ITGA9: variants seen among roughly 807,000 people sequenced by gnomAD.
ITGA9 encodes integrin subunit alpha 9, also known as integrin alpha-9.
ITGA9 carries 56 observed loss-of-function variants against 127.8 expected under a neutral mutation model. The observed-to-expected ratio is 0.44, with a 90% CI of 0.35 to 0.55. The LOEUF (loss-of-function observed/expected upper bound fraction) is 0.55. Ranked by LOEUF, ITGA9 falls within the 20% of genes least tolerant of loss-of-function variation. The pLI is 0.00. For synonymous variants in ITGA9, 508 were observed against 514.5 expected, an observed-to-expected ratio of 0.99 and a Z score of 0.17; for missense variants, 1,196 against 1,347.1, an observed-to-expected ratio of 0.89 and a Z score of 1.76.
intron 18 of ITGA9, among the ~76,000 whole-genome samples, chr3:37,726,136 A>T (rs1225159920): frequency 6.6e-6 from 1 of 152,204 alleles, no homozygotes; most frequent in African/African-American, 2.4e-5. Flanking sequence ...ACCTCAGTTG[A>T]TTGGGGAATT....
At chr3:37,565,336 T>C (rs1699535106) in intron 15 of ITGA9, among the ~76,000 whole-genome samples, 2 of 152,344 alleles carry the variant, frequency 1.3e-5, no homozygotes, top group South Asian at 2.1e-4. Flanking sequence ...TCCTATAGTG[T>C]TGTCCTAGAC....
At chr3:37,513,639 A>C (rs760096139) in intron 8 of ITGA9, 124 bp from the exon 9 acceptor site, 154 of 956,512 alleles carry the variant, frequency 1.6e-4, no homozygotes, top group Middle Eastern at 2.8e-4. Flanking sequence ...TCCTGTGTCC[A>C]TGTGTTCTCA....
intron 17 of ITGA9, among the ~76,000 whole-genome samples, chr3:37,656,102 A>G (rs879798106): frequency 6.6e-6 from 1 of 152,142 alleles, no homozygotes; most frequent in Non-Finnish European, 1.5e-5. Context: ...GTGGCCTTGT[A>G]GTATAGTTTG....
chr3:37,647,623 C>G (rs1253661004), intron 16 of ITGA9, among the ~76,000 whole-genome samples: 1 of 152,124 alleles, frequency 6.6e-6, no homozygotes, highest in Non-Finnish European at 1.5e-5. Context: ...TCCCCATTCC[C>G]TACTCCCTAC....
At chr3:37,679,446 A>T (rs1212237490) in intron 17 of ITGA9, among the ~76,000 whole-genome samples, 11 of 152,206 alleles carry the variant, frequency 7.2e-5, no homozygotes, top group Non-Finnish European at 1.2e-4. Context: ...TATTAGAGCC[A>T]TGGCTGGGAC....
At chr3:37,617,524 G>T (rs1575168791) in intron 15 of ITGA9, among the ~76,000 whole-genome samples, 1 of 152,216 alleles carries the variant, frequency 6.6e-6, no homozygotes, top group Admixed American at 6.5e-5. Flanking sequence ...TGCTAGACTG[G>T]GGAAGTTCTC....
intron 20 of ITGA9, among the ~76,000 whole-genome samples, chr3:37,738,984 C>T (rs1017262892): frequency 6.6e-6 from 1 of 152,132 alleles, no homozygotes; most frequent in African/African-American, 2.4e-5. Flanking sequence ...CCTGATCTAT[C>T]CCCAGAGACC....
chr3:37,653,703 C>G lies in ITGA9; in HGVS notation c.1840-11C>G, dbSNP rs775333644. On this transcript the variant is annotated splice_polypyrimidine_tract_variant and intron_variant, in intron 16 of 27. Coordinates refer to ENST00000264741, the MANE Select transcript of ITGA9 (RefSeq NM_002207.3). ...TCCTGCCCTAACCTTCCTCTCCTGT[C>G]TTTCTCACAGACTGTTTTTGAAAGG... is the stretch of plus-strand genomic sequence containing the variant. The G allele has an allele frequency of 1.6e-5, 25 of 1,609,120 alleles. No individual in the cohort carries two copies. Among genetic ancestry groups the G allele is most frequent in the Admixed American group, 3.3e-5 (2 of 59,990 alleles).
intron 15 of ITGA9, among the ~76,000 whole-genome samples, chr3:37,559,778 C>G (rs559500308): frequency 6.6e-6 from 1 of 152,258 alleles, no homozygotes; most frequent in Admixed American, 6.5e-5. Context: ...CCCTGGCTCC[C>G]TGGGAGGCCT....
chr3:37,769,293 G>T (rs1696815128), intron 23 of ITGA9, among the ~76,000 whole-genome samples: 2 of 144,884 alleles, frequency 1.4e-5, no homozygotes, highest in African/African-American at 5.2e-5. Context: ...AGCTGAGATT[G>T]CACCATTGCA....
intron 11 of ITGA9, among the ~76,000 whole-genome samples, chr3:37,521,557 G>T (rs567252916): frequency 8.5e-5 from 13 of 152,294 alleles, no homozygotes; most frequent in South Asian, 4.2e-4. Context: ...CAGGGCTCCT[G>T]GTTTTCATTT....
At chr3:37,573,499 C>T (rs576677010) in intron 15 of ITGA9, among the ~76,000 whole-genome samples, 4 of 152,210 alleles carry the variant, frequency 2.6e-5, no homozygotes, top group South Asian at 4.1e-4. Context: ...GCTAGAGTCC[C>T]CTGGGGTGTC....
intron 23 of ITGA9, among the ~76,000 whole-genome samples, chr3:37,757,816 A>C (rs1575224447): frequency 6.6e-6 from 1 of 151,974 alleles, no homozygotes; most frequent in African/African-American, 2.4e-5. Flanking sequence ...CCAGATAGCT[A>C]TATAGGCAGA....
chr3:37,753,793 G>A (rs1234838096), intron 23 of ITGA9: 1 of 152,208 alleles, frequency 6.6e-6, no homozygotes, highest in Non-Finnish European at 1.5e-5. Flanking sequence ...CAAGCTCCCT[G>A]TTTGATACTA....
rs1167925155 is a variant in ITGA9, at chr3:37,821,772, A to G, written c.*2783A>G. On this transcript the variant is annotated 3_prime_UTR_variant, in exon 28 of 28. Transcript: ENST00000264741. The stretch of plus-strand genomic sequence containing the variant: ...GGTGGACCCACATGAGCAGCTGTAT[A>G]CCCAGGAGGTCACTAAGACTTTATA... 1 of 151,636 alleles carries G rather than the reference A, an allele frequency of 6.6e-6. No homozygotes were observed. The highest frequency in any genetic ancestry group is 2.4e-5 in the African/African-American group (1 of 41,260). 9.4% of individuals were successfully genotyped at this position (151,636 alleles called of 1,614,324 possible).
At position 37,751,044 on chromosome 3, in the gene ITGA9, G is replaced by A. The variant is rs188036116; in HGVS notation, c.2541+475G>A. ...GCAGCAAGGCCCATATGGAGCAGGT[G>A]AATATCTGAGCCGAGAGTTGAAGAG... On this transcript the variant is annotated intron_variant, in intron 23 of 27. Transcript: ENST00000264741. Among the ~76,000 whole-genome samples, 429 of 152,346 alleles carry A rather than the reference G, an allele frequency of 2.8e-3. 3 individuals are homozygous for A. Among genetic ancestry groups the A allele is most frequent in the Non-Finnish European group, 4.6e-3 (313 of 68,030 alleles).
At chr3:37,495,168 G>C (rs1698714941) in intron 5 of ITGA9, among the ~76,000 whole-genome samples, 1 of 152,132 alleles carries the variant, frequency 6.6e-6, no homozygotes, top group Admixed American at 6.5e-5. Flanking sequence ...GGCCAGGCTG[G>C]TCTTGAACAC....
At chr3:37,526,248 G>A (rs1434088299) in intron 13 of ITGA9, among the ~76,000 whole-genome samples, 177 bp downstream of exon 13, 5 of 152,106 alleles carry the variant, frequency 3.3e-5, no homozygotes, top group Non-Finnish European at 7.3e-5. Context: ...GTTTCTAGCT[G>A]TGGCCTTGAA....
intron 16 of ITGA9, among the ~76,000 whole-genome samples, chr3:37,630,846 A>C (rs1575173972): frequency 6.6e-6 from 1 of 152,056 alleles, no homozygotes; most frequent in Non-Finnish European, 1.5e-5. Context: ...GTGAGGGAGG[A>C]CACGTGGTGT....
Sources: allele counts gnomAD v4.1 joint callset (sites outside exome capture counted in the v4.1 genomes callset), GRCh38; gene constraint gnomAD v4.1.1; transcripts MANE v1.5; gene names NCBI Gene and HGNC (gene_info 2026-07-23, HGNC 2026-07-21).